VTI1A: variants seen among roughly 807,000 people sequenced by gnomAD.
VTI1A encodes the protein vesicle transport through interaction with t-SNAREs 1A, also known as vesicle transport through interaction with t-SNAREs homolog 1A.
VTI1A carries 22 observed loss-of-function variants against 34.9 expected under a neutral mutation model. That is an observed-to-expected ratio of 0.63 (90% confidence interval 0.45 to 0.90). The LOEUF (loss-of-function observed/expected upper bound fraction) is 0.90. Among genes scored for constraint, VTI1A ranks in the 40% least tolerant of loss-of-function variants. The probability of loss-of-function intolerance (pLI) is 0.00; values close to 1 mark genes in which losing one functional copy is unlikely to be tolerated. For missense variants in VTI1A, 268 were observed against 275.6 expected, an observed-to-expected ratio of 0.97 and a Z score of 0.20; for synonymous variants, 87 against 97.3, an observed-to-expected ratio of 0.89 and a Z score of 0.62.
rs1203028350 is a variant in VTI1A, at chr10:112,579,601, G to A, written c.427+41271G>A. Among the ~76,000 whole-genome samples the A allele has an allele frequency of 2.0e-5, 3 of 152,072 alleles. No individual in the cohort carries two copies. In the South Asian group the frequency reaches 6.2e-4, roughly 32 times the overall value. On this transcript the variant is annotated intron_variant, in intron 5 of 7. Coordinates refer to ENST00000393077, the MANE Select transcript of VTI1A (RefSeq NM_145206.4). ...GCTGACTAAGGTTAGATTGAACAAA[G>A]TTTCCAAATAAAAAAGTGTCAGTTC...
chr10:112,810,963 A>T (rs1448061925), intron 7 of VTI1A, among the ~76,000 whole-genome samples: 2 of 151,692 alleles, frequency 1.3e-5, no homozygotes, highest in Non-Finnish European at 2.9e-5. Context: ...AGAAAAAAAA[A>T]ATCTTATCAG....
chr10:112,705,961 G>C (rs1849182663), intron 7 of VTI1A, among the ~76,000 whole-genome samples: 1 of 151,950 alleles, frequency 6.6e-6, no homozygotes, highest in Non-Finnish European at 1.5e-5. Flanking sequence ...TGTTGTTTTT[G>C]TTAAGTTTGA....
intron 5 of VTI1A, among the ~76,000 whole-genome samples, chr10:112,550,974 T>G (rs1202128268): frequency 1.3e-5 from 2 of 152,158 alleles, no homozygotes; most frequent in Admixed American, 1.3e-4. Flanking sequence ...CCGGGCGCGG[T>G]GGCTCACGCC....
intron 4 of VTI1A, among the ~76,000 whole-genome samples, chr10:112,527,706 CATAATAATAATAATA>C (rs57108083): frequency 4.1e-5 from 6 of 147,090 alleles, no homozygotes; most frequent in Non-Finnish European, 6.0e-5. Context: ...AAATAATAGT[CATAATAATAATAATA>C]ATAATAATAA....
the VTI1A span, among the ~76,000 whole-genome samples, chr10:112,834,977 TTAGC>T: frequency 6.6e-6 from 1 of 152,200 alleles, no homozygotes; most frequent in Non-Finnish European, 1.5e-5. Flanking sequence ...GTTCTGTCCC[TTAGC>T]TAGATTAGTT....
intron 5 of VTI1A, among the ~76,000 whole-genome samples, chr10:112,628,148 A>G (rs1845993509): frequency 6.6e-6 from 1 of 152,214 alleles, no homozygotes; most frequent in African/African-American, 2.4e-5. Flanking sequence ...GTCTGTATAG[A>G]TAGATCTAAA....
chr10:112,778,153 C>G (rs1365832425), intron 7 of VTI1A, among the ~76,000 whole-genome samples: 3 of 152,104 alleles, frequency 2.0e-5, no homozygotes, highest in Non-Finnish European at 4.4e-5. Context: ...CCGTAATAGC[C>G]TTATGGAGCT....
At chr10:112,657,751 CAG>C (rs1401532885) in intron 5 of VTI1A, among the ~76,000 whole-genome samples, 6 of 152,064 alleles carry the variant, frequency 3.9e-5, no homozygotes, top group Admixed American at 3.3e-4. Context: ...AAGAAGAAAA[CAG>C]ATTAGACTTT....
chr10:112,634,406 G>A (rs1410017028), intron 5 of VTI1A, among the ~76,000 whole-genome samples: 3 of 151,498 alleles, frequency 2.0e-5, no homozygotes, highest in African/African-American at 7.3e-5. Context: ...ATTGTGCCTC[G>A]AGTTTTAAGT....
chr10:112,549,187 A>G (rs1244649730), intron 5 of VTI1A, among the ~76,000 whole-genome samples: 1 of 152,236 alleles, frequency 6.6e-6, no homozygotes, highest in Non-Finnish European at 1.5e-5. Flanking sequence ...CAGAGCTGTT[A>G]TCAATTAAGG....
chr10:112,691,262 AAAATAAATAAATAAATAAATAAAT>A (rs67534865), intron 7 of VTI1A, among the ~76,000 whole-genome samples: 15 of 140,204 alleles, frequency 1.1e-4, no homozygotes, highest in African/African-American at 2.9e-4. Flanking sequence ...CTCTGCCTCA[AAAATAAATAAATAAATAAATAAAT>A]AAATAAATAA....
At chr10:112,772,634 A>G (rs1057132143) in intron 7 of VTI1A, among the ~76,000 whole-genome samples, 10 of 152,250 alleles carry the variant, frequency 6.6e-5, no homozygotes, top group Admixed American at 6.5e-5. Flanking sequence ...ACAAGGACTT[A>G]TTTATCTGTT....
chr10:112,744,318 A>C (rs987900245), intron 7 of VTI1A, among the ~76,000 whole-genome samples: 1 of 152,220 alleles, frequency 6.6e-6, no homozygotes, highest in Non-Finnish European at 1.5e-5. Flanking sequence ...GATAAACCTG[A>C]TAAAAGTTCT....
At chr10:112,839,275 G>C in the VTI1A span, among the ~76,000 whole-genome samples, 1 of 152,176 alleles carries the variant, frequency 6.6e-6, no homozygotes, top group Non-Finnish European at 1.5e-5. Context: ...GCAATCGTGA[G>C]CCCTTGTCAT....
chr10:112,579,469 A>C (rs2134393062), intron 5 of VTI1A, among the ~76,000 whole-genome samples: 1 of 152,292 alleles, frequency 6.6e-6, no homozygotes, highest in South Asian at 2.1e-4. Context: ...TAGGAGGCCG[A>C]GGTGGGAGGA....
chr10:112,681,200 G>A (rs1848203597), intron 7 of VTI1A, among the ~76,000 whole-genome samples: 1 of 150,902 alleles, frequency 6.6e-6, no homozygotes, highest in Non-Finnish European at 1.5e-5. Flanking sequence ...CTCCACCTTA[G>A]CCTCCCAAGT....
At position 112,618,522 on chromosome 10, in the gene VTI1A, T is replaced by TAGAGAG. The variant is rs1350356577; in HGVS notation, c.428-49695_428-49694insGAGAGA. ...ATATATATATATATATATATATATATATAGAGAGAGAGAGAGAGAGAGAGA... is the reference window on the plus strand; with the variant it reads ...ATATATATATATATATATATATATATAGAGAGATAGAGAGAGAGAGAGAGAGAGAGA... On this transcript the variant is annotated intron_variant, in intron 5 of 7. Transcript: ENST00000393077. Among the ~76,000 whole-genome samples the TAGAGAG allele has an allele frequency of 6.1e-3, 268 of 43,614 alleles. 1 individual carries two copies. Among genetic ancestry groups the TAGAGAG allele is most frequent in the East Asian group, 0.01 (10 of 980 alleles). The allele number at this position is 43,614 out of a possible 152,430, so 28.6% of individuals were successfully genotyped here. A position where few individuals can be genotyped will look rare whatever the true frequency, so the allele number is the denominator to read the frequency against.
intron 5 of VTI1A, among the ~76,000 whole-genome samples, chr10:112,630,889 A>AG (rs938233841): frequency 1.3e-5 from 2 of 152,166 alleles, no homozygotes; most frequent in Non-Finnish European, 2.9e-5. Flanking sequence ...TGGGAGGCTG[A>AG]GGGGGGCGGA....
intron 7 of VTI1A, among the ~76,000 whole-genome samples, chr10:112,778,423 C>T (rs531801959): frequency 6.6e-6 from 1 of 152,168 alleles, no homozygotes; most frequent in Non-Finnish European, 1.5e-5. Context: ...AATGTCACCA[C>T]GTGAACCGAT....
Sources: allele counts gnomAD v4.1 joint callset (sites outside exome capture counted in the v4.1 genomes callset), GRCh38; gene constraint gnomAD v4.1.1; transcripts MANE v1.5; gene names NCBI Gene and HGNC (gene_info 2026-07-23, HGNC 2026-07-21).